Variants in CLMP observed in about 807,000 individuals in gnomAD.
CLMP encodes CXADR like cell adhesion molecule.
Under a neutral mutation model 45.2 loss-of-function variants are expected in CLMP, and 27 were observed. The ratio of observed to expected loss-of-function variants is 0.60; its 90% CI spans 0.44 to 0.82. The LOEUF is 0.82. Among genes scored for constraint, CLMP ranks in the 40% least tolerant of loss-of-function variants. The probability of loss-of-function intolerance (pLI) is 0.00; values close to 1 mark genes in which losing one functional copy is unlikely to be tolerated. For synonymous variants in CLMP, 167 were observed against 171.4 expected (o/e 0.97, Z 0.20); for missense variants, 403 against 448.4 (o/e 0.90, Z 0.91).
chr11:123,189,673 C>T (rs537922782), intron 1 of CLMP, among the ~76,000 whole-genome samples: 1 of 152,210 alleles, frequency 6.6e-6, no homozygotes, highest in African/African-American at 2.4e-5. Flanking sequence ...TGTACATTTA[C>T]TAGGTATGCT....
intron 1 of CLMP, among the ~76,000 whole-genome samples, chr11:123,142,407 T>C (rs895468255): frequency 6.6e-5 from 10 of 152,090 alleles, no homozygotes; most frequent in Non-Finnish European, 1.0e-4. Context: ...GGACTTGTCG[T>C]TGAAATGCAA....
chr11:123,180,145 A>C (rs1861750308), intron 1 of CLMP, among the ~76,000 whole-genome samples: 1 of 152,246 alleles, frequency 6.6e-6, no homozygotes. Flanking sequence ...CAGTGAGTAC[A>C]TGAGCATCTC....
At chr11:123,106,682 G>A (rs753708186) in intron 1 of CLMP, among the ~76,000 whole-genome samples, 6 of 152,090 alleles carry the variant, frequency 3.9e-5, no homozygotes, top group Admixed American at 6.6e-5. Flanking sequence ...TAGCACTGGC[G>A]CATGGTATGT....
chr11:123,103,903 C>T (rs1464521709), intron 1 of CLMP, among the ~76,000 whole-genome samples: 6 of 149,374 alleles, frequency 4.0e-5, no homozygotes, highest in Non-Finnish European at 8.9e-5. Context: ...AATCTCGGCT[C>T]ACTGCAACCT....
intron 1 of CLMP, among the ~76,000 whole-genome samples, chr11:123,139,458 GT>G: frequency 6.6e-6 from 1 of 152,252 alleles, no homozygotes; most frequent in East Asian, 1.9e-4. Context: ...TTAGGGTTCA[GT>G]TTCCACATCT....
At chr11:123,178,762 T>C (rs933083519) in intron 1 of CLMP, among the ~76,000 whole-genome samples, 7 of 152,180 alleles carry the variant, frequency 4.6e-5, no homozygotes, top group African/African-American at 1.7e-4. Context: ...GATGTGTGGC[T>C]GTGGTGTCTT....
chr11:123,095,807 A>C (rs1865981495), intron 2 of CLMP, among the ~76,000 whole-genome samples: 1 of 152,180 alleles, frequency 6.6e-6, no homozygotes, highest in African/African-American at 2.4e-5. Flanking sequence ...GTAATAAGAT[A>C]CCAAGAGTGG....
chr11:123,090,771 G>A (rs1046941683), intron 2 of CLMP, among the ~76,000 whole-genome samples: 20 of 152,138 alleles, frequency 1.3e-4, no homozygotes, highest in African/African-American at 4.3e-4. Flanking sequence ...ATTTTCTCAT[G>A]GCCCAATAAC....
chr11:123,079,680 C>T (rs1404094929), intron 5 of CLMP, among the ~76,000 whole-genome samples: 1 of 152,042 alleles, frequency 6.6e-6, no homozygotes, highest in Non-Finnish European at 1.5e-5. Context: ...CTCCTGACCT[C>T]GTGATCCGCC....
chr11:123,184,242 G>A (rs1187712943), intron 1 of CLMP, among the ~76,000 whole-genome samples: 3 of 151,940 alleles, frequency 2.0e-5, no homozygotes, highest in African/African-American at 7.3e-5. Context: ...CTACAGGCAC[G>A]TGCCACCACG....
At chr11:123,141,006 C>A (rs1012264753) in intron 1 of CLMP, among the ~76,000 whole-genome samples, 3 of 152,018 alleles carry the variant, frequency 2.0e-5, no homozygotes, top group Admixed American at 1.3e-4. Flanking sequence ...CTTGCTCCCT[C>A]TTTTGCCATG....
intron 1 of CLMP, among the ~76,000 whole-genome samples, chr11:123,190,789 G>A (rs1861897852): frequency 6.6e-6 from 1 of 152,198 alleles, no homozygotes; most frequent in Non-Finnish European, 1.5e-5. Context: ...TCACTTAACT[G>A]AAGCATCACA....
intron 1 of CLMP, among the ~76,000 whole-genome samples, chr11:123,116,171 A>C (rs1860717604): frequency 6.6e-6 from 1 of 151,906 alleles, no homozygotes; most frequent in Non-Finnish European, 1.5e-5. Context: ...TCTACTTGTT[A>C]TAAGCAATTC....
intron 1 of CLMP, among the ~76,000 whole-genome samples, chr11:123,132,527 T>C (rs950676062): frequency 6.6e-6 from 1 of 152,088 alleles, no homozygotes; most frequent in African/African-American, 2.4e-5. Flanking sequence ...GGTGCAATCT[T>C]GGCTCACGGC....
chr11:123,119,533 A>G (rs1483323350), intron 1 of CLMP, among the ~76,000 whole-genome samples: 1 of 152,212 alleles, frequency 6.6e-6, no homozygotes, highest in East Asian at 1.9e-4. Context: ...ATTAATTATT[A>G]GCATCCCTTA....
At chr11:123,129,436 TC>T in intron 1 of CLMP, among the ~76,000 whole-genome samples, 1 of 135,932 alleles carries the variant, frequency 7.4e-6, no homozygotes, top group Admixed American at 7.8e-5. Context: ...AAAATATATA[TC>T]ATATGATATA....
At chr11:123,123,259 C>CTTTTTTTT (rs11458946) in intron 1 of CLMP, among the ~76,000 whole-genome samples, 1 of 117,700 alleles carries the variant, frequency 8.5e-6, no homozygotes, top group Non-Finnish European at 1.7e-5. Flanking sequence ...TCTTTCTTTC[C>CTTTTTTTT]TTTTTTTTTT....
rs145751202 is a variant in CLMP, at chr11:123,132,447, T to C, written c.29-34495A>G. On this transcript the variant is annotated intron_variant, in intron 1 of 6. Coordinates refer to ENST00000448775, the MANE Select transcript of CLMP (RefSeq NM_024769.5). Reference sequence around the variant, plus strand: ...CTTTTTTTTCTCTTATTTTTGTCTCTCTCATTTTATTTTATTTTGTTTTAT... The same window carrying C: ...CTTTTTTTTCTCTTATTTTTGTCTCCCTCATTTTATTTTATTTTGTTTTAT... Among the ~76,000 whole-genome samples, 1,010 of 152,230 alleles carry C rather than the reference T, an allele frequency of 6.6e-3. 6 individuals are homozygous for C. Among genetic ancestry groups the C allele is most frequent in the African/African-American group, 0.023 (971 of 41,562 alleles).
At chr11:123,103,388 G>A (rs1289353023) in intron 1 of CLMP, among the ~76,000 whole-genome samples, 1 of 152,202 alleles carries the variant, frequency 6.6e-6, no homozygotes, top group Non-Finnish European at 1.5e-5. Flanking sequence ...AGCCAGCTAT[G>A]AAAGTTGCCA....
Sources: allele counts gnomAD v4.1 joint callset (sites outside exome capture counted in the v4.1 genomes callset), GRCh38; gene constraint gnomAD v4.1.1; transcripts MANE v1.5; gene names NCBI Gene and HGNC (gene_info 2026-07-23, HGNC 2026-07-21).